DPY30: variants seen among roughly 807,000 people sequenced by gnomAD.
The protein encoded by DPY30 is dpy-30 histone methyltransferase complex regulatory subunit, also known as protein dpy-30 homolog.
In DPY30, 6 loss-of-function variants were observed where a neutral mutation model predicts 16.2. The observed-to-expected ratio is 0.37, with a 90% CI of 0.20 to 0.73. DPY30 has a LOEUF of 0.73. Among genes scored for constraint, DPY30 ranks in the 30% least tolerant of loss-of-function variants. The probability of loss-of-function intolerance (pLI) is 0.51; values close to 1 mark genes in which losing one functional copy is unlikely to be tolerated. For synonymous variants in DPY30, 39 were observed against 38.8 expected (o/e 1.00, Z -0.02); for missense variants, 73 against 113.1 (o/e 0.65, Z 1.61).
Position 32,039,749 on chromosome 2 carries a change from C to A in DPY30, c.-53G>T. On this transcript the variant is annotated 5_prime_UTR_variant, in exon 1 of 5. Coordinates refer to ENST00000342166, the MANE Select transcript of DPY30 (RefSeq NM_001321209.2). Reference sequence around the variant, plus strand: ...GCTGATTACCCGCGCCCAAGCCGTTCGTTCTTAAGAGCCCTGCACCGCGCC... The same window carrying A: ...GCTGATTACCCGCGCCCAAGCCGTTAGTTCTTAAGAGCCCTGCACCGCGCC... The A allele has an allele frequency of 1.9e-6, 1 of 535,784 alleles. No individual in the cohort carries two copies. The highest frequency in any genetic ancestry group is 2.3e-5 in the South Asian group (1 of 44,174). The allele number at this position is 535,784 out of a possible 1,614,324, so 33.2% of individuals were successfully genotyped here. A position where few individuals can be genotyped will look rare whatever the true frequency, so the allele number is the denominator to read the frequency against.
chr2:32,023,868 A>G, downstream of DPY30: 1 of 1,322,168 alleles, frequency 7.6e-7, no homozygotes. Flanking sequence ...ATCATGTAAA[A>G]TATTTGTCAT....
chr2:32,039,751 T>G lies in DPY30; in HGVS notation c.-55A>C, dbSNP rs1036891718. On this transcript the variant is annotated 5_prime_UTR_variant, in exon 1 of 5. Transcript: ENST00000342166. ...TGATTACCCGCGCCCAAGCCGTTCG[T>G]TCTTAAGAGCCCTGCACCGCGCCAC... The G allele has an allele frequency of 9.3e-6, 5 of 534,970 alleles. No homozygotes were observed. Among genetic ancestry groups the G allele is most frequent in the Non-Finnish European group, 1.7e-5 (5 of 297,248 alleles). The allele number at this position is 534,970 out of a possible 1,614,324, so 33.1% of individuals were successfully genotyped here.
chr2:32,030,723 C>G lies in DPY30; in HGVS notation c.85-987G>C, dbSNP rs533890750. 2.0e-5 allele frequency among the ~76,000 whole-genome samples: 3 copies of G among 152,020 alleles called. No individual in the cohort carries two copies. In the East Asian group the frequency reaches 5.8e-4, roughly 29 times the overall value. On this transcript the variant is annotated intron_variant, in intron 3 of 4. Coordinates refer to ENST00000342166, the MANE Select transcript of DPY30 (RefSeq NM_001321209.2). Reference sequence around the variant, plus strand: ...CTGAGGTGGGAGGATCACTTGAGCCCAGGAGACGGAGGTTGCAGTGAGACG... The same window carrying G: ...CTGAGGTGGGAGGATCACTTGAGCCGAGGAGACGGAGGTTGCAGTGAGACG...
At chr2:32,019,857 C>CAA (rs1337668851), downstream of DPY30, among the ~76,000 whole-genome samples, 7 of 135,342 alleles carry the variant, frequency 5.2e-5, 1 homozygote, top group African/African-American at 1.9e-4. Context: ...TATATATATA[C>CAA]ACACACATAT....
intron 4 of DPY30, among the ~76,000 whole-genome samples, chr2:32,027,938 A>G (rs541892899): frequency 5.3e-5 from 8 of 152,106 alleles, no homozygotes; most frequent in Non-Finnish European, 1.2e-4. Context: ...CAAGATACCC[A>G]TATTTTAATT....
chr2:32,026,770 A>G (rs1675346293), intron 4 of DPY30, among the ~76,000 whole-genome samples: 1 of 152,054 alleles, frequency 6.6e-6, no homozygotes, highest in Non-Finnish European at 1.5e-5. Context: ...TCTGAGCAAC[A>G]TAGCATCCAG....
At chr2:32,036,723 C>G (rs1558593389) in intron 3 of DPY30, among the ~76,000 whole-genome samples, 1 of 142,876 alleles carries the variant, frequency 7.0e-6, no homozygotes, top group Non-Finnish European at 1.5e-5. Flanking sequence ...AAAAAATTAG[C>G]CGGGCATGGT....
At chr2:32,028,531 A>T (rs1197867356) in intron 4 of DPY30, among the ~76,000 whole-genome samples, 1 of 152,176 alleles carries the variant, frequency 6.6e-6, no homozygotes, top group Non-Finnish European at 1.5e-5. Flanking sequence ...GGCCAGGCTC[A>T]GTGGCTCACG....
At chr2:32,035,928 G>C (rs1301872993) in intron 3 of DPY30, among the ~76,000 whole-genome samples, 1 of 141,372 alleles carries the variant, frequency 7.1e-6, no homozygotes, top group Non-Finnish European at 1.5e-5. Context: ...GCAAGACTCA[G>C]TCTCGAAGAA....
intron 5 of DPY30, among the ~76,000 whole-genome samples, chr2:32,013,838 T>C (rs1675013740): frequency 6.6e-6 from 1 of 151,194 alleles, no homozygotes; most frequent in East Asian, 2.0e-4. Flanking sequence ...CAAAACCCCA[T>C]CTCCACTAAA....
At chr2:32,017,535 T>C (rs889595475) in intron 5 of DPY30, among the ~76,000 whole-genome samples, 1 of 151,038 alleles carries the variant, frequency 6.6e-6, no homozygotes, top group Non-Finnish European at 1.5e-5. Context: ...AAGAAGCTTC[T>C]ACCTGGGAGG....
rs1354717183 is a variant in DPY30 at position 32,039,543 on chromosome 2, A to C, written c.-36-51T>G. 3 of 1,586,352 alleles carry C rather than the reference A, an allele frequency of 1.9e-6. No individual in the cohort carries two copies. In the African/African-American group the frequency reaches 4.0e-5, roughly 21 times the overall value. ...TTACCTGGGAGATTTCAACACGAAGACTCCAGGATGGAGTGCAGCCCAGCC... is the reference window on the plus strand; with the variant it reads ...TTACCTGGGAGATTTCAACACGAAGCCTCCAGGATGGAGTGCAGCCCAGCC... On this transcript the variant is annotated intron_variant, in intron 1 of 4. Coordinates refer to ENST00000342166, the MANE Select transcript of DPY30 (RefSeq NM_001321209.2).
intron 3 of DPY30, among the ~76,000 whole-genome samples, chr2:32,037,045 A>T (rs765823167): frequency 2.0e-5 from 3 of 152,198 alleles, no homozygotes; most frequent in Non-Finnish European, 4.4e-5. Context: ...TGTGAAGCAA[A>T]TCTACAACTG....
At chr2:32,028,099 AATGAT>A (rs1234690940) in intron 4 of DPY30, among the ~76,000 whole-genome samples, 3 of 151,768 alleles carry the variant, frequency 2.0e-5, no homozygotes, top group Non-Finnish European at 2.9e-5. Context: ...TACTATAAGA[AATGAT>A]ATATTTCCTT....
chr2:32,013,492 T>G (rs910474780), intron 5 of DPY30: 1 of 152,234 alleles, frequency 6.6e-6, no homozygotes, highest in Non-Finnish European at 1.5e-5. Context: ...AACTATTCAT[T>G]TATTCACCTC....
intron 4 of DPY30, among the ~76,000 whole-genome samples, chr2:32,028,209 C>G (rs1040114299): frequency 6.6e-6 from 1 of 151,376 alleles, no homozygotes; most frequent in Non-Finnish European, 1.5e-5. Context: ...CTCCTGGGCC[C>G]AAGCCCAAGC....
At chr2:32,020,332 C>T (rs536875624), downstream of DPY30, among the ~76,000 whole-genome samples, 6 of 152,146 alleles carry the variant, frequency 3.9e-5, no homozygotes, top group African/African-American at 1.2e-4. Flanking sequence ...ACAGTGAGAA[C>T]CCGTCTCTGC....
intron 3 of DPY30, among the ~76,000 whole-genome samples, chr2:32,032,774 G>A (rs1033886918): frequency 6.6e-6 from 1 of 152,156 alleles, no homozygotes; most frequent in Non-Finnish European, 1.5e-5. Context: ...GAGGCAGCTG[G>A]ACCACGAGTT....
At chr2:32,016,169 G>A (rs1044513552) in intron 5 of DPY30, among the ~76,000 whole-genome samples, 2 of 152,148 alleles carry the variant, frequency 1.3e-5, no homozygotes, top group Admixed American at 6.5e-5. Flanking sequence ...CAAGTGCTGG[G>A]ATTACAAGTG....
Sources: allele counts gnomAD v4.1 joint callset (sites outside exome capture counted in the v4.1 genomes callset), GRCh38; gene constraint gnomAD v4.1.1; transcripts MANE v1.5; gene names NCBI Gene and HGNC (gene_info 2026-07-23, HGNC 2026-07-21).